HMGB1: variants seen among roughly 807,000 people sequenced by gnomAD.
HMGB1 encodes the protein high mobility group protein B1.
For synonymous variants in HMGB1, 81 were observed against 84.0 expected, an observed-to-expected ratio of 0.96 and a Z score of 0.19; for missense variants, 79 against 253.5, an observed-to-expected ratio of 0.31 and a Z score of 4.67.
chr13:30,500,536 A>ATTTTTTT (rs60691018), intron 1 of HMGB1, among the ~76,000 whole-genome samples: 2 of 128,460 alleles, frequency 1.6e-5, no homozygotes, highest in Admixed American at 7.6e-5. Context: ...CACCTGGCTA[A>ATTTTTTT]TTTTTTTTTT....
chr13:30,524,716 A>T (rs1381418360), intron 1 of HMGB1, among the ~76,000 whole-genome samples: 2 of 151,886 alleles, frequency 1.3e-5, no homozygotes, highest in Non-Finnish European at 2.9e-5. Context: ...TAATAATAAT[A>T]ATAATAATAA....
At chr13:30,482,744 T>TA (rs1228365479) in intron 1 of HMGB1, among the ~76,000 whole-genome samples, 5 of 151,256 alleles carry the variant, frequency 3.3e-5, no homozygotes, top group African/African-American at 7.3e-5. Flanking sequence ...TTGCGGGAAA[T>TA]AAAAAAAATA....
intron 1 of HMGB1, among the ~76,000 whole-genome samples, chr13:30,538,539 TTC>T (rs1868611707): frequency 7.9e-6 from 1 of 126,556 alleles, no homozygotes; most frequent in Admixed American, 7.4e-5. Flanking sequence ...TTTCTTTCCT[TTC>T]TTTCTTTCTT....
chr13:30,525,754 T>C (rs546027197), intron 1 of HMGB1, among the ~76,000 whole-genome samples: 42 of 151,560 alleles, frequency 2.8e-4, no homozygotes, highest in Non-Finnish European at 5.0e-4. Context: ...GGGAACTCAC[T>C]CGCTACCATA....
In HMGB1 at chr13:30,456,760, C is replaced by CGGGGGGGGGG. The variant is rs386378689; in HGVS notation, c.*4587_*4596dup. ...CAGCATAAATAACAGCTTTTGTGGGCGGGGGGGGGGGGTGGTGGGGTGCAA... is the reference window on the plus strand; with the variant it reads ...CAGCATAAATAACAGCTTTTGTGGGCGGGGGGGGGGGGGGGGGGGGGGTGGTGGGGTGCAA... On this transcript the variant is annotated 3_prime_UTR_variant, in exon 5 of 5. Transcript: ENST00000341423. The CGGGGGGGGGG allele has an allele frequency of 3.7e-4, 5 of 13,534 alleles. No individual in the cohort carries two copies. The highest frequency in any genetic ancestry group is 6.9e-4 in the Non-Finnish European group (5 of 7,282). 0.8% of individuals were successfully genotyped at this position (13,534 alleles called of 1,614,324 possible).
At chr13:30,538,662 T>C (rs1331619808) in intron 1 of HMGB1, among the ~76,000 whole-genome samples, 1 of 43,566 alleles carries the variant, frequency 2.3e-5, no homozygotes, top group Non-Finnish European at 4.1e-5. Flanking sequence ...TTTCTTTCTT[T>C]CCTTTCTTTC....
At position 30,533,872 on chromosome 13, in the gene HMGB1, T is replaced by G. The variant is rs971214708; in HGVS notation, c.-14-70178A>C. The stretch of plus-strand genomic sequence containing the variant: ...AAATCCTGGTAAAGACTATCTTTTT[T>G]TTTTTTTTTAAGATGGAGTTTCGCT... On this transcript the variant is annotated intron_variant, in intron 1 of 4. Coordinates refer to the HMGB1 transcript ENST00000405805. 3.3e-5 allele frequency among the ~76,000 whole-genome samples: 5 copies of G among 151,962 alleles called. No homozygotes were observed. The South Asian group carries it at 1.0e-3, about 32-fold the overall frequency.
At chr13:30,584,436 T>C (rs550222290) in intron 1 of HMGB1, among the ~76,000 whole-genome samples, 3 of 152,316 alleles carry the variant, frequency 2.0e-5, no homozygotes, top group South Asian at 4.1e-4. Context: ...TTCTCCATAG[T>C]ACATTTCAGC....
At position 30,462,420 on chromosome 13, in the gene HMGB1, T is replaced by C. The variant is rs17074619; in HGVS notation, c.471+118A>G. 17,246 of 849,170 alleles carry C rather than the reference T, an allele frequency of 0.02. 261 individuals are homozygous for C. Among genetic ancestry groups the C allele is most frequent in the Non-Finnish European group, 0.024 (11,661 of 487,082 alleles). The allele number at this position is 849,170 out of a possible 1,614,324, so 52.6% of individuals were successfully genotyped here. A position where few individuals can be genotyped will look rare whatever the true frequency, so the allele number is the denominator to read the frequency against. ...GCATTCTTTGAAGGATGAGGACTTATATCAACACCATACTTAATGTAGCTG... is the reference window on the plus strand; with the variant it reads ...GCATTCTTTGAAGGATGAGGACTTACATCAACACCATACTTAATGTAGCTG... On this transcript the variant is annotated intron_variant, in intron 4 of 4. Transcript: ENST00000341423.
At chr13:30,538,728 CTT>C (rs1278857950) in intron 1 of HMGB1, among the ~76,000 whole-genome samples, 1 of 100,798 alleles carries the variant, frequency 9.9e-6, no homozygotes, top group African/African-American at 3.6e-5. Flanking sequence ...CTTTTTCTTT[CTT>C]TTTCTTTCTT....
At chr13:30,516,630 A>T (rs1247306559) in intron 1 of HMGB1, among the ~76,000 whole-genome samples, 2 of 152,216 alleles carry the variant, frequency 1.3e-5, no homozygotes, top group African/African-American at 4.8e-5. Context: ...AGAAAAATAG[A>T]ATCAGGGCTG....
At chr13:30,509,644 G>A (rs1887947233) in intron 1 of HMGB1, among the ~76,000 whole-genome samples, 2 of 152,112 alleles carry the variant, frequency 1.3e-5, no homozygotes, top group Admixed American at 1.3e-4. Flanking sequence ...GATAATGCAG[G>A]AATATGAGTG....
At chr13:30,513,459 T>C (rs1888035518) in intron 1 of HMGB1, among the ~76,000 whole-genome samples, 1 of 152,222 alleles carries the variant, frequency 6.6e-6, no homozygotes, top group South Asian at 2.1e-4. Context: ...TCACATCTTC[T>C]CTATGGCACG....
chr13:30,530,920 G>A (rs370648709), intron 1 of HMGB1, among the ~76,000 whole-genome samples: 24 of 152,264 alleles, frequency 1.6e-4, no homozygotes, highest in African/African-American at 5.8e-4. Context: ...GGTGGCACAT[G>A]TTTGTAGTCC....
intron 1 of HMGB1, among the ~76,000 whole-genome samples, chr13:30,599,076 G>GTTTTAGTTTTGAAAAAATAAA (rs1373240437): frequency 6.6e-6 from 1 of 151,988 alleles, no homozygotes; most frequent in African/African-American, 2.4e-5. Context: ...CTCCCAAGTA[G>GTTTTAGTTTTGAAAAAATAAA]CAACCAACAG....
chr13:30,490,864 AGG>A (rs1414736201), intron 1 of HMGB1, among the ~76,000 whole-genome samples: 2 of 152,084 alleles, frequency 1.3e-5, no homozygotes, highest in East Asian at 3.8e-4. Context: ...CTCTGTGTGT[AGG>A]CAAAGGTACA....
intron 1 of HMGB1, among the ~76,000 whole-genome samples, chr13:30,560,384 T>C (rs990343869): frequency 7.2e-5 from 11 of 152,130 alleles, no homozygotes; most frequent in Non-Finnish European, 1.3e-4. Flanking sequence ...GCGAGAACAA[T>C]TCCATCAGGG....
upstream of HMGB1, among the ~76,000 whole-genome samples, chr13:30,466,895 T>G (rs899363096): frequency 6.6e-6 from 1 of 152,224 alleles, no homozygotes. Flanking sequence ...ATCAAACGAA[T>G]CCTTGTGATG....
At chr13:30,587,050 G>A (rs1035421421) in intron 1 of HMGB1, among the ~76,000 whole-genome samples, 1 of 151,928 alleles carries the variant, frequency 6.6e-6, no homozygotes, top group Non-Finnish European at 1.5e-5. Flanking sequence ...TACTTTGTAG[G>A]ATTATTATTT....
Sources: gnomAD v4.1 joint callset for allele counts (sites outside exome capture counted in the v4.1 genomes callset) on GRCh38, gnomAD v4.1.1 for gene constraint, MANE v1.5 for transcripts, NCBI Gene and HGNC (gene_info 2026-07-23, HGNC 2026-07-21) for gene names.